The following EYA2 variants were observed in gnomAD, a reference collection of about 807,000 sequenced individuals.
The protein encoded by EYA2 is EYA transcriptional coactivator and phosphatase 2.
In EYA2, 31 loss-of-function variants were observed where a neutral mutation model predicts 69.2. That is an observed-to-expected ratio of 0.45 (90% CI 0.34 to 0.60). The LOEUF is 0.60. Ranked by LOEUF, EYA2 falls within the 20% of genes least tolerant of loss-of-function variation. The pLI is 0.02. For synonymous variants in EYA2, 257 were observed against 279.4 expected (o/e 0.92, Z 0.80); for missense variants, 622 against 701.2 (o/e 0.89, Z 1.28).
At chr20:47,145,059 C>T (rs1177422747) in intron 10 of EYA2, among the ~76,000 whole-genome samples, 1 of 152,222 alleles carries the variant, frequency 6.6e-6, no homozygotes, top group Admixed American at 6.5e-5. Context: ...GCCCCCACTT[C>T]TGTGAGAACA....
At chr20:46,987,161 G>A (rs1005317894) in intron 1 of EYA2, among the ~76,000 whole-genome samples, 4 of 152,132 alleles carry the variant, frequency 2.6e-5, no homozygotes, top group East Asian at 3.8e-4. Flanking sequence ...GGCCACACAC[G>A]GTCTCTGTTG....
intron 9 of EYA2, among the ~76,000 whole-genome samples, chr20:47,116,592 T>C (rs1000762305): frequency 2.6e-5 from 4 of 152,244 alleles, no homozygotes; most frequent in African/African-American, 9.6e-5. Flanking sequence ...GATGTCCCTC[T>C]GCAGGCACCT....
At chr20:46,942,931 A>G (rs1986215943) in intron 1 of EYA2, among the ~76,000 whole-genome samples, 1 of 152,062 alleles carries the variant, frequency 6.6e-6, no homozygotes, top group South Asian at 2.1e-4. Context: ...ACGTCTGGCT[A>G]ATTTTTGTAT....
At chr20:46,945,021 G>C (rs548888603) in intron 1 of EYA2, among the ~76,000 whole-genome samples, 1 of 152,098 alleles carries the variant, frequency 6.6e-6, no homozygotes, top group East Asian at 1.9e-4. Flanking sequence ...GGAGGATCAC[G>C]TGAGCCTGGG....
intron 3 of EYA2, among the ~76,000 whole-genome samples, chr20:47,001,993 G>A (rs752901868): frequency 1.1e-4 from 17 of 150,056 alleles, no homozygotes; most frequent in Non-Finnish European, 2.1e-4. Context: ...GTGCAGTGGC[G>A]TGATCTCAGC....
chr20:47,042,747 C>T (rs1166160835), intron 5 of EYA2, among the ~76,000 whole-genome samples: 2 of 152,180 alleles, frequency 1.3e-5, no homozygotes, highest in Non-Finnish European at 2.9e-5. Context: ...CATCCTTATG[C>T]CTCTTATCAC....
chr20:47,088,910 C>G (rs1218161063), intron 7 of EYA2, among the ~76,000 whole-genome samples: 1 of 152,186 alleles, frequency 6.6e-6, no homozygotes, highest in Non-Finnish European at 1.5e-5. Flanking sequence ...ACATTTCCCT[C>G]CCGGGCTTGG....
At chr20:47,078,454 T>C (rs1224367667) in intron 7 of EYA2, among the ~76,000 whole-genome samples, 2 of 152,170 alleles carry the variant, frequency 1.3e-5, no homozygotes, top group African/African-American at 2.4e-5. Context: ...CTCCAGAGGC[T>C]CTAGAGGTTT....
chr20:46,943,512 A>G (rs1158561252), intron 1 of EYA2, among the ~76,000 whole-genome samples: 1 of 152,194 alleles, frequency 6.6e-6, no homozygotes, highest in Non-Finnish European at 1.5e-5. Context: ...GGCCCTGGGA[A>G]CTGCTGTTGG....
Position 47,098,457 on chromosome 20 carries a change from G to C in EYA2, c.888+1289G>C, listed in dbSNP as rs1480431251. Among the ~76,000 whole-genome samples, 4 of 152,370 alleles carry C rather than the reference G, an allele frequency of 2.6e-5. No homozygotes were observed. In the East Asian group the frequency reaches 7.7e-4, roughly 29 times the overall value. On this transcript the variant is annotated intron_variant, in intron 9 of 15. Transcript: ENST00000327619. ...CTCATCTTGCCCTTAGAGGCAGCCT[G>C]CTGTGAAGTTCCATAGCTCCGTGCA...
At chr20:46,952,696 C>T (rs946097001) in intron 1 of EYA2, among the ~76,000 whole-genome samples, 1 of 152,220 alleles carries the variant, frequency 6.6e-6, no homozygotes, top group Non-Finnish European at 1.5e-5. Flanking sequence ...GGAGGCATCA[C>T]CTGGAGCTCT....
intron 9 of EYA2, among the ~76,000 whole-genome samples, chr20:47,109,853 A>G (rs2032699387): frequency 6.6e-6 from 1 of 152,176 alleles, no homozygotes; most frequent in East Asian, 1.9e-4. Flanking sequence ...GGATGCTGCT[A>G]CACATCCCAC....
chr20:46,917,688 C>T (rs984879986), intron 1 of EYA2, among the ~76,000 whole-genome samples: 6 of 152,172 alleles, frequency 3.9e-5, no homozygotes, highest in Non-Finnish European at 7.4e-5. Context: ...TATTACTGTA[C>T]ATAGGCCACT....
intron 1 of EYA2, among the ~76,000 whole-genome samples, chr20:46,920,355 A>G (rs1231238062): frequency 3.3e-5 from 5 of 152,148 alleles, no homozygotes; most frequent in Admixed American, 2.6e-4. Context: ...GTGTGCCCGT[A>G]TACTGTTCCA....
chr20:46,945,356 C>T (rs183900799), intron 1 of EYA2, among the ~76,000 whole-genome samples: 272 of 152,252 alleles, frequency 1.8e-3, no homozygotes, highest in Middle Eastern at 3.4e-3. Context: ...GTAGACTGAC[C>T]GATTTTTAGA....
At chr20:46,994,924 G>A (rs998953381) in intron 2 of EYA2, among the ~76,000 whole-genome samples, 11 of 146,948 alleles carry the variant, frequency 7.5e-5, no homozygotes, top group East Asian at 4.0e-4. Flanking sequence ...TTTTGAGACC[G>A]AGTTTCGCTC....
At position 46,980,301 on chromosome 20, in the gene EYA2, A is replaced by G. The variant is rs745538751; in HGVS notation, c.-10-9700A>G. 4.6e-5 allele frequency among the ~76,000 whole-genome samples: 7 copies of G among 152,326 alleles called. No individual in the cohort carries two copies. The East Asian group carries it at 9.6e-4, about 21-fold the overall frequency. ...ACTGTGAGCTGTTTTTATTTCTAGT[A>G]TCTGTAAACTAAGCAATATAATTAG... is the stretch of plus-strand genomic sequence containing the variant. On this transcript the variant is annotated intron_variant, in intron 1 of 15. Coordinates refer to ENST00000327619, the MANE Select transcript of EYA2 (RefSeq NM_005244.5).
chr20:46,895,716 G>A (rs1983773481), intron 1 of EYA2, among the ~76,000 whole-genome samples: 1 of 152,182 alleles, frequency 6.6e-6, no homozygotes, highest in African/African-American at 2.4e-5. Context: ...TTAAACGGCC[G>A]TGCTGGCCCA....
intron 1 of EYA2, among the ~76,000 whole-genome samples, chr20:46,910,799 G>C (rs1984607174): frequency 6.6e-6 from 1 of 152,224 alleles, no homozygotes; most frequent in Non-Finnish European, 1.5e-5. Context: ...TTAAAAAATA[G>C]AATGGAGCCA....
Sources: allele counts gnomAD v4.1 joint callset (sites outside exome capture counted in the v4.1 genomes callset), GRCh38; gene constraint gnomAD v4.1.1; transcripts MANE v1.5; gene names NCBI Gene and HGNC (gene_info 2026-07-23, HGNC 2026-07-21).